The following TREML1 variants were observed in gnomAD, a reference collection of about 807,000 sequenced individuals.
TREML1 encodes the protein trem-like transcript 1 protein.
In TREML1, 27 loss-of-function variants were observed where a neutral mutation model predicts 22.8. The ratio of observed to expected loss-of-function variants is 1.19; its 90% CI spans 0.87 to 1.64. TREML1 has a LOEUF of 1.64. Ranked by LOEUF, TREML1 falls within the 40% of genes most tolerant of loss-of-function variation. The pLI, the probability that TREML1 is intolerant of heterozygous loss-of-function variation, is 0.00. For synonymous variants in TREML1, 153 were observed against 161.9 expected (o/e 0.94, Z 0.42); for missense variants, 356 against 382.0 (o/e 0.93, Z 0.57).
chr6:41,151,662 T>G (rs1765255101), intron 2 of TREML1: 3 of 454,826 alleles, frequency 6.6e-6, no homozygotes, highest in South Asian at 4.7e-5. Context: ...CCTGCTGCAT[T>G]TCTTCCCTTT....
At chr6:41,150,775 C>G in intron 4 of TREML1, 44 bp downstream of exon 4, 1 of 1,564,488 alleles carries the variant, frequency 6.4e-7, no homozygotes, top group Non-Finnish European at 8.8e-7. Flanking sequence ...CTGGTTGATA[C>G]TGGAATGGTA....
intron 5 of TREML1, among the ~76,000 whole-genome samples, 154 bp from the exon 6 acceptor site, chr6:41,150,072 C>A (rs892880163): frequency 6.6e-6 from 1 of 152,104 alleles, no homozygotes; most frequent in African/African-American, 2.4e-5. Flanking sequence ...CCCCAAGTTT[C>A]TCCCCAAATC....
Position 41,154,298 on chromosome 6 carries a change from G to A in TREML1, c.-10C>T, listed in dbSNP as rs780136274. Reference sequence around the variant, plus strand: ...GCAGGGTGAGGCCCATGGCTGGGCAGAGAAATGTCAACTCCTGGGCTTGCC... The same window carrying A: ...GCAGGGTGAGGCCCATGGCTGGGCAAAGAAATGTCAACTCCTGGGCTTGCC... On this transcript the variant is annotated 5_prime_UTR_variant, in exon 1 of 6. Transcript: ENST00000426005. The A allele has an allele frequency of 4.8e-5, 78 of 1,613,578 alleles. No homozygotes were observed. The highest frequency in any genetic ancestry group is 6.3e-5 in the Non-Finnish European group (74 of 1,179,674).
chr6:41,154,235 C>A lies in TREML1; in HGVS notation c.43+11G>T. The A allele has an allele frequency of 6.2e-7, 1 of 1,613,772 alleles. No homozygotes were observed. The highest frequency in any genetic ancestry group is 8.5e-7 in the Non-Finnish European group (1 of 1,179,850). On this transcript the variant is annotated intron_variant, in intron 1 of 5. Transcript: ENST00000426005. ...ATGGGGCCCAGAGCTGCAGCTCCTC[C>A]TGAACCTTACCTTCTAGTCCCAGGA...
At chr6:41,153,367 A>G (rs1324965212) in intron 2 of TREML1, among the ~76,000 whole-genome samples, 1 of 151,198 alleles carries the variant, frequency 6.6e-6, no homozygotes, top group Non-Finnish European at 1.5e-5. Context: ...CCGCTATTAC[A>G]GGAATAAAAC....
chr6:41,150,970 A>G, intron 3 of TREML1, 63 bp from the exon 4 acceptor site: 1 of 1,414,086 alleles, frequency 7.1e-7, no homozygotes, highest in Non-Finnish European at 1.0e-6. Context: ...GCTGGCCAGG[A>G]GCCCTGGAGC....
rs1215995273 is a variant in TREML1 at position 41,150,431 on chromosome 6, C to A, written c.569-118G>T. 8 of 878,716 alleles carry A rather than the reference C, an allele frequency of 9.1e-6. No homozygotes were observed. The African/African-American group carries it at 1.0e-4, about 11-fold the overall frequency. The allele number at this position is 878,716 out of a possible 1,614,324, so 54.4% of individuals were successfully genotyped here. A position where few individuals can be genotyped will look rare whatever the true frequency, so the allele number is the denominator to read the frequency against. On this transcript the variant is annotated intron_variant, in intron 4 of 5. Transcript: ENST00000426005. Reference sequence around the variant, plus strand: ...TTCACTACTGCAGACTCACCTTCCCCACTCCCACCACCAAACCTTTACCCC... The same window carrying A: ...TTCACTACTGCAGACTCACCTTCCCAACTCCCACCACCAAACCTTTACCCC...
Position 41,151,391 on chromosome 6 carries a change from G to A in TREML1, c.377-7C>T, listed in dbSNP as rs761336553. On this transcript the variant is annotated splice_polypyrimidine_tract_variant and splice_region_variant and intron_variant, in intron 2 of 5. Transcript: ENST00000426005. ...TGGGTCTCTTCTTCTTCCTCTGTCA[G>A]GCCAGGAATGGAGTCAGAAGGAAAC... The A allele has an allele frequency of 1.2e-6, 2 of 1,612,574 alleles. No homozygotes were observed. Among genetic ancestry groups the A allele is most frequent in the East Asian group, 2.2e-5 (1 of 44,868 alleles).
upstream of TREML1, among the ~76,000 whole-genome samples, chr6:41,154,972 A>G (rs555801916): frequency 1.3e-5 from 2 of 151,682 alleles, no homozygotes; most frequent in Non-Finnish European, 2.9e-5. Flanking sequence ...TCGTGTGTTC[A>G]TCTCATTTTC....
At chr6:41,152,806 A>G (rs142535296) in intron 2 of TREML1, among the ~76,000 whole-genome samples, 1 of 152,208 alleles carries the variant, frequency 6.6e-6, no homozygotes, top group African/African-American at 2.4e-5. Flanking sequence ...CCGAGAGGCC[A>G]AGGTTGCAGT....
At chr6:41,152,211 T>C (rs1296572680) in intron 2 of TREML1, among the ~76,000 whole-genome samples, 2 of 152,154 alleles carry the variant, frequency 1.3e-5, no homozygotes, top group African/African-American at 4.8e-5. Flanking sequence ...CTGGTGCCTA[T>C]TAGGCTGCCT....
chr6:41,149,494 A>C lies in TREML1; in HGVS notation c.*110T>G. ...AAGTTAGGACATTGGATTAGATCTT[A>C]AAGTCCCTGGTTGCTCAGATATCCT... On this transcript the variant is annotated 3_prime_UTR_variant, in exon 6 of 6. Coordinates refer to ENST00000426005, the MANE Select transcript of TREML1 (RefSeq NM_178174.4). 3 of 1,203,822 alleles carry C rather than the reference A, an allele frequency of 2.5e-6. No individual in the cohort carries two copies. The highest frequency in any genetic ancestry group is 3.5e-6 in the Non-Finnish European group (3 of 851,246). 74.6% of individuals were successfully genotyped at this position (1,203,822 alleles called of 1,614,324 possible).
At chr6:41,154,223 C>A in intron 1 of TREML1, 23 bp downstream of exon 1, 1 of 1,611,926 alleles carries the variant, frequency 6.2e-7, no homozygotes, top group Non-Finnish European at 8.5e-7. Flanking sequence ...GGGCCCAGAG[C>A]TGCAGCTCCT....
rs1446403177 is a variant in TREML1, at chr6:41,154,028, C to G, written c.106G>C (p.Val36Leu). 3 of 1,614,124 alleles carry G rather than the reference C, an allele frequency of 1.9e-6. No homozygotes were observed. Among genetic ancestry groups the G allele is most frequent in the Non-Finnish European group, 2.5e-6 (3 of 1,180,028 alleles). ...LQAPVGSSILVQCHYRLQDVK... is the reference protein window; with the variant it reads ...LQAPVGSSILLQCHYRLQDVK... ...TCCTGGAGCCTGTAGTGGCACTGCA[C>G]CAGAATGGAGCTTCCCACGGGTGCC... is the stretch of plus-strand genomic sequence containing the variant. The change falls in exon 2 of 6, where the codon GTG (valine) becomes CTG (leucine). Residue 36 changes from valine to leucine, a missense_variant. Val to Leu is a conservative substitution (Grantham distance 32). Coordinates refer to ENST00000426005, the MANE Select transcript of TREML1 (RefSeq NM_178174.4).
Position 41,153,800 on chromosome 6 carries a change from G to T in TREML1, c.334C>A (p.Pro112Thr), listed in dbSNP as rs1325701551. 1 of 1,613,338 alleles carries T rather than the reference G, an allele frequency of 6.2e-7. No individual in the cohort carries two copies. ...YGCMVDGARGPQILHRVSLNI... is the reference protein window; with the variant it reads ...YGCMVDGARGTQILHRVSLNI... The stretch of plus-strand genomic sequence containing the variant: ...AGAGAGACTCTGTGCAAAATCTGGG[G>T]CCCCCTGGCCCCATCCACCATGCAG... The change falls in exon 2 of 6, where the codon CCC becomes ACC. Residue 112 changes from proline to threonine, a missense_variant. Coordinates refer to ENST00000426005, the MANE Select transcript of TREML1 (RefSeq NM_178174.4).
At position 41,153,954 on chromosome 6, in the gene TREML1, C is replaced by T. The variant is rs1300106616; in HGVS notation, c.180G>A (p.Gln60=). 1 of 1,614,076 alleles carries T rather than the reference C, an allele frequency of 6.2e-7. No individual in the cohort carries two copies. The highest frequency in any genetic ancestry group is 8.5e-7 in the Non-Finnish European group (1 of 1,180,048). The stretch of plus-strand genomic sequence containing the variant: ...GATCCACAGCTGAGGACACCAGGGG[C>T]TGGCACCCCTCCGGCAAGAACCGGC... The part of the protein sequence containing the change: ...VWCRFLPEGC[Q]PLVSSAVDRR... The change falls in exon 2 of 6, where the codon CAG becomes CAA. Residue 60 remains glutamine (Q), a synonymous_variant. Transcript: ENST00000426005.
intron 4 of TREML1, 66 bp from the exon 5 acceptor site, chr6:41,150,379 C>T: frequency 1.3e-6 from 2 of 1,528,048 alleles, no homozygotes; most frequent in Non-Finnish European, 1.8e-6. Flanking sequence ...TCCCTCACTC[C>T]CTTCCTTCAG....
rs1031993869 is a variant in TREML1 at position 41,154,343 on chromosome 6, C to A, written c.-55G>T. ...CTTGCCTGGGCACTGATGCAGCATT[C>A]GCCTGAGGGCAGGAAACATCTGCCT... On this transcript the variant is annotated 5_prime_UTR_variant, in exon 1 of 6. Transcript: ENST00000426005. 6.7e-7 allele frequency: 1 copy of A among 1,491,942 alleles called. No individual in the cohort carries two copies. The highest frequency in any genetic ancestry group is 9.3e-7 in the Non-Finnish European group (1 of 1,071,312). The allele number at this position is 1,491,942 out of a possible 1,614,324, so 92.4% of individuals were successfully genotyped here.
chr6:41,154,042 C>G lies in TREML1; in HGVS notation c.92G>C (p.Gly31Ala). 1 of 1,614,084 alleles carries G rather than the reference C, an allele frequency of 6.2e-7. No individual in the cohort carries two copies. The highest frequency in any genetic ancestry group is 8.5e-7 in the Non-Finnish European group (1 of 1,180,032). The change falls in exon 2 of 6, where the codon GGA becomes GCA. Residue 31 changes from glycine (G) to alanine (A), a missense_variant. Transcript: ENST00000426005. ...SLPEVLQAPV[G>A]SSILVQCHYR... ...GTGGCACTGCACCAGAATGGAGCTT[C>G]CCACGGGTGCCTGCAGCACCTCAGG...
Sources: gnomAD v4.1 joint callset for allele counts (sites outside exome capture counted in the v4.1 genomes callset) on GRCh38, gnomAD v4.1.1 for gene constraint, MANE v1.5 for transcripts, NCBI Gene and HGNC (gene_info 2026-07-23, HGNC 2026-07-21) for gene names.